HGS: variants seen among roughly 807,000 people sequenced by gnomAD.
The protein encoded by HGS is human growth factor-regulated tyrosine kinase substrate.
HGS carries 63 observed loss-of-function variants against 109.7 expected under a neutral mutation model. The ratio of observed to expected loss-of-function variants is 0.57; its 90% confidence interval spans 0.47 to 0.71. The LOEUF (loss-of-function observed/expected upper bound fraction) is 0.71. Among genes scored for constraint, HGS ranks in the 30% least tolerant of loss-of-function variants. The probability of loss-of-function intolerance (pLI) is 0.00; values close to 1 mark genes in which losing one functional copy is unlikely to be tolerated. For missense variants in HGS, 995 were observed against 1,068.3 expected (o/e 0.93, Z 0.96); for synonymous variants, 546 against 437.3 (o/e 1.25, Z -3.10).
chr17:81,690,994 T>A (rs1256361704), intron 7 of HGS, among the ~76,000 whole-genome samples: 1 of 152,214 alleles, frequency 6.6e-6, no homozygotes, highest in African/African-American at 2.4e-5. Context: ...GCTACAGGCC[T>A]TGCCACAGTC....
chr17:81,686,777 A>T (rs1057512297), intron 3 of HGS, among the ~76,000 whole-genome samples: 1 of 147,850 alleles, frequency 6.8e-6, no homozygotes, highest in Non-Finnish European at 1.5e-5. Context: ...CGGGTTCCCC[A>T]CCGGCCACTG....
chr17:81,688,668 G>A (rs1329268244), intron 4 of HGS, 36 bp from the exon 5 acceptor site: 33 of 1,610,940 alleles, frequency 2.0e-5, no homozygotes, highest in Non-Finnish European at 2.6e-5. Context: ...CGCCTGGAGT[G>A]TCCTGCGACC....
At chr17:81,700,901 T>G (rs2037227486) in intron 20 of HGS, 87 bp downstream of exon 20, 1 of 1,558,702 alleles carries the variant, frequency 6.4e-7, no homozygotes, top group Non-Finnish European at 8.8e-7. Context: ...TGGCAGGCAC[T>G]GGGTGGGCTC....
chr17:81,685,775 C>T (rs1392361308), intron 2 of HGS, 86 bp downstream of exon 2: 11 of 937,450 alleles, frequency 1.2e-5, no homozygotes, highest in East Asian at 2.5e-5. Context: ...GTCTCCACGA[C>T]GTAGCTGACC....
At chr17:81,700,394 C>G in intron 18 of HGS, 73 bp from the exon 19 acceptor site, 2 of 1,242,048 alleles carry the variant, frequency 1.6e-6, no homozygotes, top group Non-Finnish European at 2.2e-6. Context: ...AAGTAAAACT[C>G]AAGAGTAGGG....
intron 15 of HGS, 133 bp from the exon 16 acceptor site, chr17:81,696,224 C>T (rs1036364744): frequency 1.6e-6 from 2 of 1,244,846 alleles, no homozygotes; most frequent in African/African-American, 3.0e-5. Context: ...GCCTGCCTCC[C>T]CCAGAGCCCA....
At chr17:81,694,674 C>A in intron 11 of HGS, 141 bp from the exon 12 acceptor site, 2 of 919,364 alleles carry the variant, frequency 2.2e-6, no homozygotes, top group Non-Finnish European at 1.7e-6. Flanking sequence ...TGCTCAGATG[C>A]CAGGAACCAG....
rs1568221189 is a variant in HGS, at chr17:81,701,632, C to CA, written c.*15dup. Reference sequence around the variant, plus strand: ...TCATTCGACTGACCCAGGCCATGCTCACGTCCGGAGTAACACTACATACAG... The same window carrying CA: ...TCATTCGACTGACCCAGGCCATGCTCAACGTCCGGAGTAACACTACATACAG... On this transcript the variant is annotated 3_prime_UTR_variant, in exon 22 of 22. Transcript: ENST00000329138. 1.3e-6 allele frequency: 2 copies of CA among 1,547,034 alleles called. No individual in the cohort carries two copies. Among genetic ancestry groups the CA allele is most frequent in the Non-Finnish European group, 1.7e-6 (2 of 1,152,288 alleles).
rs182962848 is a variant in HGS, at chr17:81,697,109, T to C, written c.1882+111T>C. ...CGAAGGGTTTTCCCAGTTGCCCCGA[T>C]GTGAATGTTGTCCCTGCTTTTTCCT... On this transcript the variant is annotated intron_variant, in intron 18 of 21. Coordinates refer to ENST00000329138, the MANE Select transcript of HGS (RefSeq NM_004712.5). 3.5e-6 allele frequency: 4 copies of C among 1,144,798 alleles called. No individual in the cohort carries two copies. In the East Asian group the frequency reaches 7.6e-5, roughly 22 times the overall value. The allele number at this position is 1,144,798 out of a possible 1,614,324, so 70.9% of individuals were successfully genotyped here.
rs1441865649 is a variant in HGS, at chr17:81,684,118, C to G, written c.37+15C>G. 6.4e-7 allele frequency: 1 copy of G among 1,567,874 alleles called. No individual in the cohort carries two copies. ...GCGTCTCCTAGGTAACGCGTCCCCA[C>G]CCGACGGCTCGGCCTTGGTCAGCCC... On this transcript the variant is annotated intron_variant, in intron 1 of 21. Coordinates refer to ENST00000329138, the MANE Select transcript of HGS (RefSeq NM_004712.5).
At chr17:81,686,502 C>T (rs543837364) in intron 3 of HGS, 115 bp downstream of exon 3, 3 of 727,300 alleles carry the variant, frequency 4.1e-6, no homozygotes, top group East Asian at 2.7e-5. Flanking sequence ...ATACATCAAG[C>T]AGGAGAGTTT....
At position 81,686,260 on chromosome 17, in the gene HGS, G is replaced by C. The variant is rs186581034; in HGVS notation, c.123-52G>C. 5.4e-5 allele frequency: 80 copies of C among 1,479,000 alleles called. No individual in the cohort carries two copies. The East Asian group carries it at 1.7e-3, about 31-fold the overall frequency. 91.6% of individuals were successfully genotyped at this position (1,479,000 alleles called of 1,614,324 possible). A position where few individuals can be genotyped will look rare whatever the true frequency, so the allele number is the denominator to read the frequency against. ...ATGAGCTTTTCTCATCTTAGTTGCTGAGACTATTTTTTTCCCGTTTTTCTC... is the reference window on the plus strand; with the variant it reads ...ATGAGCTTTTCTCATCTTAGTTGCTCAGACTATTTTTTTCCCGTTTTTCTC... On this transcript the variant is annotated intron_variant, in intron 2 of 21. Transcript: ENST00000329138.
chr17:81,695,452 G>GGACCT (rs1168086162), intron 14 of HGS, among the ~76,000 whole-genome samples: 4 of 152,232 alleles, frequency 2.6e-5, no homozygotes, highest in African/African-American at 9.6e-5. Flanking sequence ...GACCTAACAT[G>GGACCT]GACCTGAATA....
intron 1 of HGS, chr17:81,684,926 A>G (rs2036950474): frequency 1.0e-6 from 1 of 985,400 alleles, no homozygotes; most frequent in Non-Finnish European, 1.2e-6. Context: ...TCCAGAGGTT[A>G]ACTACTGAAT....
At chr17:81,692,002 C>T in intron 8 of HGS, 1 of 189,278 alleles carries the variant, frequency 5.3e-6, no homozygotes, top group Non-Finnish European at 1.1e-5. Context: ...TGCCTCCCCT[C>T]TCCTGCGCGT....
At chr17:81,693,602 C>T (rs754096003) in intron 9 of HGS, 21 bp downstream of exon 9, 20 of 1,562,692 alleles carry the variant, frequency 1.3e-5, no homozygotes, top group African/African-American at 2.7e-5. Context: ...CCCTCCGTCC[C>T]GTGGGCACCT....
chr17:81,696,772 A>G (rs1297246301), intron 17 of HGS, 25 bp downstream of exon 17: 1 of 1,602,880 alleles, frequency 6.2e-7, no homozygotes. Flanking sequence ...CCCGCCACCC[A>G]GAGGCTTGTG....
In HGS at chr17:81,700,823, A is replaced by C. The variant is rs1314279894; in HGVS notation, c.2136+9A>C. The C allele has an allele frequency of 1.2e-6, 2 of 1,607,310 alleles. No individual in the cohort carries two copies. The highest frequency in any genetic ancestry group is 1.7e-6 in the Non-Finnish European group (2 of 1,176,280). ...AGCCTTACAACATGCAGGTACAGTG[A>C]CCTCCAGGCCCTGCTGGGGGCCAGG... On this transcript the variant is annotated intron_variant, in intron 20 of 21. Transcript: ENST00000329138.
chr17:81,701,279 CAGAA>C, intron 21 of HGS, 148 bp downstream of exon 21: 1 of 821,140 alleles, frequency 1.2e-6, no homozygotes, highest in Non-Finnish European at 2.0e-6. Context: ...TCTCAGCAGA[CAGAA>C]CGAGGACACA....
Sources: gnomAD v4.1 joint callset for allele counts (sites outside exome capture counted in the v4.1 genomes callset) on GRCh38, gnomAD v4.1.1 for gene constraint, MANE v1.5 for transcripts, NCBI Gene and HGNC (gene_info 2026-07-23, HGNC 2026-07-21) for gene names.